PFKFB3: variants seen among roughly 807,000 people sequenced by gnomAD.
PFKFB3 encodes the protein 6-phosphofructo-2-kinase/fructose-2,6-biphosphatase 3.
PFKFB3 carries 33 observed loss-of-function variants against 68.0 expected under a neutral mutation model. The observed-to-expected ratio is 0.49, with a 90% CI of 0.37 to 0.65. The LOEUF (loss-of-function observed/expected upper bound fraction) is 0.65, where lower values mean the gene tolerates loss of function less well. PFKFB3 is among the 30% of genes least tolerant of loss of function. PFKFB3 has a pLI of 0.00. For synonymous variants in PFKFB3, 315 were observed against 288.2 expected (o/e 1.09, Z -0.94); for missense variants, 586 against 712.2 (o/e 0.82, Z 2.02).
intron 1 of PFKFB3, among the ~76,000 whole-genome samples, chr10:6,173,943 T>C (rs1265941252): frequency 2.0e-5 from 3 of 151,334 alleles, no homozygotes; most frequent in Non-Finnish European, 2.9e-5. Flanking sequence ...AGATGGGGAG[T>C]GAGGGCCTGT....
the PFKFB3 span, among the ~76,000 whole-genome samples, chr10:6,260,982 A>G: frequency 6.6e-6 from 1 of 152,238 alleles, no homozygotes; most frequent in Non-Finnish European, 1.5e-5. Context: ...TTTCCTAAAC[A>G]GTGGCACTAA....
At chr10:6,277,788 C>A in the PFKFB3 span, 1 of 420,098 alleles carries the variant, frequency 2.4e-6, no homozygotes. Context: ...CTCTTTTCTT[C>A]ATAAATTACC....
At chr10:6,263,164 A>T in the PFKFB3 span, among the ~76,000 whole-genome samples, 1 of 152,248 alleles carries the variant, frequency 6.6e-6, no homozygotes, top group Non-Finnish European at 1.5e-5. Flanking sequence ...GTTTCTATAG[A>T]TATTAAATTA....
At chr10:6,232,815 T>C (rs1269736758) in intron 14 of PFKFB3, 80 bp from the exon 15 acceptor site, 2 of 1,089,224 alleles carry the variant, frequency 1.8e-6, no homozygotes, top group Non-Finnish European at 2.8e-6. Flanking sequence ...CTCCGTTGCA[T>C]GGCTCGCGTC....
chr10:6,147,354 G>C lies in PFKFB3; in HGVS notation c.16+2341G>C, dbSNP rs143026822. Among the ~76,000 whole-genome samples the C allele has an allele frequency of 1.4e-3, 214 of 152,340 alleles. 1 individual carries two copies. The highest frequency in any genetic ancestry group is 4.7e-3 in the African/African-American group (196 of 41,578). ...CTCCCAAAACCAAGAGAAGCCATCC[G>C]GAGAAGGCGTCCATCCTCTGCGGGC... On this transcript the variant is annotated intron_variant, in intron 1 of 14. Coordinates refer to the PFKFB3 transcript ENST00000379789.
downstream of PFKFB3, among the ~76,000 whole-genome samples, chr10:6,237,871 CTG>C (rs529618234): frequency 5.1e-4 from 78 of 152,084 alleles, no homozygotes; most frequent in African/African-American, 1.8e-3. Flanking sequence ...CAGCTAAAGA[CTG>C]TTTTATAAAC....
intron 1 of PFKFB3, among the ~76,000 whole-genome samples, chr10:6,168,390 A>C (rs1588411173): frequency 6.6e-6 from 1 of 152,302 alleles, no homozygotes; most frequent in Admixed American, 6.5e-5. Context: ...CTGGGTTCTG[A>C]TGCCACCTCC....
chr10:6,257,006 A>G (rs1272016321), downstream of PFKFB3, among the ~76,000 whole-genome samples: 2 of 152,206 alleles, frequency 1.3e-5, no homozygotes, highest in Admixed American at 6.5e-5. Context: ...TCTTTTCTAA[A>G]ATTCCCAGGA....
rs1469567333 is a variant in PFKFB3 at position 6,215,925 on chromosome 10, G to T, written c.300-200G>T. Among the ~76,000 whole-genome samples, 1 of 152,132 alleles carries T rather than the reference G, an allele frequency of 6.6e-6. No homozygotes were observed. The highest frequency in any genetic ancestry group is 1.9e-4 in the East Asian group (1 of 5,164). ...CAGCCCGGTTTGAGCACCGCCTCCC[G>T]AGGGTTCCTGAGGCCACCCGTGTGG... On this transcript the variant is annotated intron_variant, in intron 3 of 14. Coordinates refer to ENST00000379775, the MANE Select transcript of PFKFB3 (RefSeq NM_004566.4). The surrounding 1 kb of genome is among the most constrained non-coding windows in gnomAD (Gnocchi z 4.3).
At chr10:6,311,308 T>C in the PFKFB3 span, among the ~76,000 whole-genome samples, 1 of 152,162 alleles carries the variant, frequency 6.6e-6, no homozygotes, top group Admixed American at 6.5e-5. Context: ...TGGGCCGCCA[T>C]GGAAAATCAC....
At chr10:6,202,481 G>A (rs1843403331), upstream of PFKFB3, 1 of 152,446 alleles carries the variant, frequency 6.6e-6, no homozygotes, top group Non-Finnish European at 1.5e-5. Context: ...GGAATGCAGA[G>A]TATTGGGGCT....
In PFKFB3 at chr10:6,233,060, G is replaced by C; in HGVS notation, c.*118G>C. The C allele has an allele frequency of 1.2e-6, 1 of 807,858 alleles. No homozygotes were observed. Among genetic ancestry groups the C allele is most frequent in the Non-Finnish European group, 2.1e-6 (1 of 472,578 alleles). The allele number at this position is 807,858 out of a possible 1,614,324, so 50.0% of individuals were successfully genotyped here. The stretch of plus-strand genomic sequence containing the variant: ...TCCGGAGAGGGTGGGGTGGAGCAGC[G>C]GGGGAGCCTTGGCCGAAGAGAACCA... On this transcript the variant is annotated 3_prime_UTR_variant, in exon 15 of 15. Coordinates refer to ENST00000379775, the MANE Select transcript of PFKFB3 (RefSeq NM_004566.4).
chr10:6,265,576 G>T, the PFKFB3 span, among the ~76,000 whole-genome samples: 10 of 152,006 alleles, frequency 6.6e-5, no homozygotes, highest in African/African-American at 2.2e-4. Flanking sequence ...ACCTATGAAG[G>T]CCTGTCACCC....
At position 6,154,272 on chromosome 10, in the gene PFKFB3, G is replaced by T. The variant is rs909274469; in HGVS notation, c.16+9259G>T. On this transcript the variant is annotated intron_variant, in intron 1 of 14. Transcript: ENST00000379789. The surrounding 1 kb of genome is among the most constrained non-coding windows in gnomAD (Gnocchi z 4.6). ...AATTTTTTTTTTTTTTTGAGGCAGG[G>T]TCCCACTCTGTTGGCCAGGCTGGAG... 1.3e-5 allele frequency among the ~76,000 whole-genome samples: 2 copies of T among 151,318 alleles called. No individual in the cohort carries two copies. Among genetic ancestry groups the T allele is most frequent in the East Asian group, 1.9e-4 (1 of 5,158 alleles).
chr10:6,149,123 T>A (rs1841494084), intron 1 of PFKFB3, among the ~76,000 whole-genome samples: 1 of 151,878 alleles, frequency 6.6e-6, no homozygotes, highest in Non-Finnish European at 1.5e-5. Flanking sequence ...CGGTGACTCA[T>A]CTCAGGTGAT....
chr10:6,213,176 C>T (rs552148775), intron 1 of PFKFB3, among the ~76,000 whole-genome samples: 6 of 152,232 alleles, frequency 3.9e-5, no homozygotes, highest in African/African-American at 1.4e-4. Flanking sequence ...GCTGTGGCCA[C>T]TAGGGTTGCC....
intron 1 of PFKFB3, among the ~76,000 whole-genome samples, chr10:6,205,662 G>A (rs956381590): frequency 6.6e-6 from 1 of 151,962 alleles, no homozygotes; most frequent in African/African-American, 2.4e-5. Flanking sequence ...CAAAGTGCTG[G>A]GATTATAGGC....
chr10:6,270,079 C>T, the PFKFB3 span, among the ~76,000 whole-genome samples: 1 of 152,110 alleles, frequency 6.6e-6, no homozygotes, highest in African/African-American at 2.4e-5. Context: ...TTGCAGTGAG[C>T]CGAGATCGCG....
intron 14 of PFKFB3, among the ~76,000 whole-genome samples, chr10:6,230,843 G>A (rs539360921): frequency 6.6e-6 from 1 of 152,084 alleles, no homozygotes; most frequent in African/African-American, 2.4e-5. Flanking sequence ...AACCTCCCGA[G>A]TAGCTGGGAT....
Sources: allele counts gnomAD v4.1 joint callset (sites outside exome capture counted in the v4.1 genomes callset), GRCh38; gene constraint gnomAD v4.1.1; non-coding constraint Gnocchi (gnomAD v3.1); transcripts MANE v1.5; gene names NCBI Gene and HGNC (gene_info 2026-07-23, HGNC 2026-07-21).